The following MELK variants were observed in gnomAD, a reference collection of about 807,000 sequenced individuals.
MELK encodes the protein maternal embryonic leucine zipper kinase.
MELK carries 81 observed loss-of-function variants against 85.0 expected under a neutral mutation model. The observed-to-expected ratio is 0.95, with a 90% CI of 0.80 to 1.15. MELK has a LOEUF of 1.15. MELK is among the 50% of genes most tolerant of loss of function. The pLI is 0.00. For synonymous variants in MELK, 252 were observed against 265.0 expected (o/e 0.95, Z 0.48); for missense variants, 754 against 777.5 (o/e 0.97, Z 0.36).
At chr9:36,582,975 GTT>G (rs769350661) in intron 2 of MELK, among the ~76,000 whole-genome samples, 7 of 142,872 alleles carry the variant, frequency 4.9e-5, no homozygotes, top group Admixed American at 7.1e-5. Context: ...TATCTTCAAA[GTT>G]TTTTTTTTTT....
chr9:36,623,517 A>G (rs1247874761), intron 8 of MELK, among the ~76,000 whole-genome samples: 1 of 152,214 alleles, frequency 6.6e-6, no homozygotes, highest in Admixed American at 6.5e-5. Context: ...CTTGTGGATG[A>G]TACTCTACAG....
intron 8 of MELK, among the ~76,000 whole-genome samples, chr9:36,615,942 C>A (rs1826707915): frequency 1.3e-5 from 2 of 151,712 alleles, no homozygotes; most frequent in Admixed American, 1.3e-4. Flanking sequence ...TCCTCACTTC[C>A]CAGACGGGGT....
intron 13 of MELK, among the ~76,000 whole-genome samples, chr9:36,658,652 A>G (rs1386444249): frequency 6.6e-6 from 1 of 151,946 alleles, no homozygotes. Flanking sequence ...GACAATTTCC[A>G]TTGACTGTTT....
intron 11 of MELK, among the ~76,000 whole-genome samples, chr9:36,649,215 G>A (rs756373157): frequency 3.9e-5 from 6 of 152,126 alleles, no homozygotes; most frequent in African/African-American, 9.7e-5. Context: ...GGCTAGGTGC[G>A]GCGGCTCACA....
chr9:36,623,429 T>C (rs1462616940), intron 8 of MELK, among the ~76,000 whole-genome samples: 1 of 152,248 alleles, frequency 6.6e-6, no homozygotes, highest in Non-Finnish European at 1.5e-5. Context: ...TTGGACTCTA[T>C]TTTGGCCAGT....
At chr9:36,651,712 ATCT>A (rs1190390617) in intron 11 of MELK, 31 bp from the exon 12 acceptor site, 1 of 1,597,856 alleles carries the variant, frequency 6.3e-7, no homozygotes, top group East Asian at 2.2e-5. Flanking sequence ...CAAACAAGTA[ATCT>A]TCTAACCAAC....
At position 36,638,504 on chromosome 9, in the gene MELK, T is replaced by C. The variant is rs144330137; in HGVS notation, c.835-4493T>C. 9.3e-3 allele frequency among the ~76,000 whole-genome samples: 1,409 copies of C among 152,202 alleles called. 16 individuals are homozygous for C. The highest frequency in any genetic ancestry group is 0.029 in the African/African-American group (1,185 of 41,548). On this transcript the variant is annotated intron_variant, in intron 10 of 17. Coordinates refer to ENST00000298048, the MANE Select transcript of MELK (RefSeq NM_014791.4). ...TTATCCATGTTGGTCAGGCTGGTCT[T>C]TAACTCCCGACCTCAGGTGATCGGC...
At chr9:36,585,526 C>T (rs1211835417) in intron 3 of MELK, among the ~76,000 whole-genome samples, 4 of 152,002 alleles carry the variant, frequency 2.6e-5, no homozygotes, top group Admixed American at 6.6e-5. Flanking sequence ...AGGCTGGTCT[C>T]GAACTCCTGA....
At position 36,665,352 on chromosome 9, in the gene MELK, TAC is replaced by T; in HGVS notation, c.1180_1181del (p.Thr394GlnfsTer12). On this transcript the variant is annotated frameshift_variant, in exon 14 of 18. Transcript: ENST00000298048. LOFTEE classifies it high-confidence loss of function. ...GAATPRTSQF[T>X]KYWTESNGVE... The stretch of plus-strand genomic sequence containing the variant: ...ATCTAGTAACTTTTTTTTTCCAGTT[TAC>T]CAAGTACTGGACAGAATCAAATGGG... 1 of 1,585,550 alleles carries T rather than the reference TAC, an allele frequency of 6.3e-7. No individual in the cohort carries two copies.
intron 11 of MELK, among the ~76,000 whole-genome samples, chr9:36,645,069 C>T (rs1408888003): frequency 6.6e-6 from 1 of 151,804 alleles, no homozygotes; most frequent in African/African-American, 2.4e-5. Context: ...GAGATTGAGG[C>T]CAACATGGTG....
At chr9:36,605,561 T>G (rs1454868044) in intron 7 of MELK, among the ~76,000 whole-genome samples, 1 of 152,004 alleles carries the variant, frequency 6.6e-6, no homozygotes, top group Non-Finnish European at 1.5e-5. Flanking sequence ...ATGTCTCAAT[T>G]TATAGATTAA....
At chr9:36,614,274 T>C (rs574942127) in intron 8 of MELK, among the ~76,000 whole-genome samples, 1 of 151,934 alleles carries the variant, frequency 6.6e-6, no homozygotes, top group Admixed American at 6.6e-5. Flanking sequence ...TTTTGTAGTT[T>C]TAGTAGAGAT....
At chr9:36,620,997 G>A (rs1001823182) in intron 8 of MELK, among the ~76,000 whole-genome samples, 1 of 151,738 alleles carries the variant, frequency 6.6e-6, no homozygotes, top group African/African-American at 2.4e-5. Flanking sequence ...GAGGCTGGGC[G>A]CAGTGGCTCA....
At chr9:36,583,790 C>T in intron 3 of MELK, 78 bp downstream of exon 3, 3 of 935,644 alleles carry the variant, frequency 3.2e-6, no homozygotes, top group Non-Finnish European at 3.3e-6. Flanking sequence ...TTCTAATGTT[C>T]TAGTTACTGC....
At chr9:36,641,271 ATGTT>A (rs1242741101) in intron 10 of MELK, among the ~76,000 whole-genome samples, 1 of 152,150 alleles carries the variant, frequency 6.6e-6, no homozygotes, top group Non-Finnish European at 1.5e-5. Context: ...CTCTGTTGAG[ATGTT>A]GTACTAGGCG....
In MELK at chr9:36,600,099, G is replaced by T. The variant is rs917630169; in HGVS notation, c.567+613G>T. On this transcript the variant is annotated intron_variant, in intron 7 of 17. Coordinates refer to ENST00000298048, the MANE Select transcript of MELK (RefSeq NM_014791.4). ...TCCAAATCTTTTTTTGTTTTGTTTT[G>T]TTTTTTTTTTTTGAGACGGAGTCTC... Among the ~76,000 whole-genome samples, 26 of 145,208 alleles carry T rather than the reference G, an allele frequency of 1.8e-4. No individual in the cohort carries two copies. The East Asian group carries it at 2.0e-3, about 11-fold the overall frequency.
At chr9:36,639,922 G>C (rs193117562) in intron 10 of MELK, among the ~76,000 whole-genome samples, 1 of 152,212 alleles carries the variant, frequency 6.6e-6, no homozygotes, top group Non-Finnish European at 1.5e-5. Flanking sequence ...TGCTTGAGCA[G>C]TGTTGACATC....
chr9:36,654,803 A>G (rs1235642145), intron 12 of MELK, among the ~76,000 whole-genome samples: 2 of 152,224 alleles, frequency 1.3e-5, no homozygotes, highest in Admixed American at 6.5e-5. Flanking sequence ...TTGCAAAGTC[A>G]TATTATTGAA....
At chr9:36,591,532 C>T (rs1823573736) in intron 4 of MELK, among the ~76,000 whole-genome samples, 1 of 151,532 alleles carries the variant, frequency 6.6e-6, no homozygotes, top group African/African-American at 2.4e-5. Context: ...TGAGATCATG[C>T]CACTGCACTC....
Sources: allele counts gnomAD v4.1 joint callset (sites outside exome capture counted in the v4.1 genomes callset), GRCh38; gene constraint gnomAD v4.1.1; transcripts MANE v1.5; gene names NCBI Gene and HGNC (gene_info 2026-07-23, HGNC 2026-07-21).